The following SAMD12 variants were observed in gnomAD, a reference collection of about 807,000 sequenced individuals.
SAMD12 encodes sterile alpha motif domain-containing protein 12.
Under a neutral mutation model 15.0 loss-of-function variants are expected in SAMD12, and 9 were observed. That is an observed-to-expected ratio of 0.60 (90% CI 0.36 to 1.05). SAMD12 has a LOEUF of 1.05. Among genes scored for constraint, SAMD12 ranks in the 50% least tolerant of loss-of-function variants. SAMD12 has a pLI of 0.01. For synonymous variants in SAMD12, 86 were observed against 90.1 expected (o/e 0.96, Z 0.25); for missense variants, 230 against 234.2 (o/e 0.98, Z 0.12).
intron 4 of SAMD12, among the ~76,000 whole-genome samples, chr8:118,313,170 T>G (rs1815714880): frequency 6.6e-6 from 1 of 152,132 alleles, no homozygotes; most frequent in Non-Finnish European, 1.5e-5. Flanking sequence ...AGGAAGGAAT[T>G]TTCTCTTCTA....
chr8:118,313,556 C>T (rs919990529), intron 4 of SAMD12, among the ~76,000 whole-genome samples: 1 of 152,092 alleles, frequency 6.6e-6, no homozygotes, highest in African/African-American at 2.4e-5. Context: ...ACAAAGAATT[C>T]TTTCTGTCTA....
chr8:118,288,641 A>T (rs954802639), intron 4 of SAMD12, among the ~76,000 whole-genome samples: 1 of 152,234 alleles, frequency 6.6e-6, no homozygotes, highest in African/African-American at 2.4e-5. Flanking sequence ...TAATTATACA[A>T]GAACAGAGCT....
chr8:118,473,177 C>T (rs1823854818), intron 2 of SAMD12, among the ~76,000 whole-genome samples: 2 of 152,176 alleles, frequency 1.3e-5, no homozygotes. Flanking sequence ...CTCTACTAGG[C>T]AGCACCTCCT....
the SAMD12 span, among the ~76,000 whole-genome samples, chr8:118,172,890 A>G: frequency 4.6e-5 from 7 of 152,158 alleles, no homozygotes; most frequent in Non-Finnish European, 8.8e-5. Context: ...CATTTGAACA[A>G]CAACTCCCCA....
intron 4 of SAMD12, among the ~76,000 whole-genome samples, chr8:118,319,703 A>C (rs1816129725): frequency 6.6e-6 from 1 of 152,196 alleles, no homozygotes; most frequent in Non-Finnish European, 1.5e-5. Context: ...GTTCAGCAGA[A>C]GTAGGGGTGA....
At chr8:118,504,525 A>G (rs762220110) in intron 2 of SAMD12, among the ~76,000 whole-genome samples, 4 of 152,142 alleles carry the variant, frequency 2.6e-5, no homozygotes, top group Non-Finnish European at 5.9e-5. Flanking sequence ...TGGGTTGAGA[A>G]GTGGCCCCCA....
intron 2 of SAMD12, among the ~76,000 whole-genome samples, chr8:118,498,191 G>A (rs1308048479): frequency 6.6e-6 from 1 of 152,154 alleles, no homozygotes; most frequent in Non-Finnish European, 1.5e-5. Context: ...TAAAGACGGT[G>A]TTTTGCAACC....
chr8:118,279,018 A>G (rs571022106), intron 4 of SAMD12, among the ~76,000 whole-genome samples: 2 of 152,338 alleles, frequency 1.3e-5, no homozygotes, highest in East Asian at 1.9e-4. Flanking sequence ...CTCTGCTATT[A>G]AAAATGAAAT....
chr8:118,277,830 T>C (rs981954770), intron 4 of SAMD12, among the ~76,000 whole-genome samples: 1 of 152,198 alleles, frequency 6.6e-6, no homozygotes, highest in African/African-American at 2.4e-5. Context: ...GTCACTGCCC[T>C]CTCTCCTAAA....
chr8:118,585,322 T>C (rs1303698811), intron 1 of SAMD12, among the ~76,000 whole-genome samples: 1 of 152,198 alleles, frequency 6.6e-6, no homozygotes, highest in Non-Finnish European at 1.5e-5. Context: ...GTTATGGGTA[T>C]AGTGTTTCAC....
intron 4 of SAMD12, among the ~76,000 whole-genome samples, chr8:118,333,962 G>A (rs1279304568): frequency 6.8e-6 from 1 of 146,424 alleles, no homozygotes; most frequent in African/African-American, 2.6e-5. Context: ...ATTGGCGGGG[G>A]GCAGGGGTGT....
At chr8:118,194,873 C>G (rs1819513166) in exon 5 of SAMD12, 1 of 152,162 alleles carries the variant, frequency 6.6e-6, no homozygotes, top group Non-Finnish European at 1.5e-5. Flanking sequence ...TGGTTTAGCT[C>G]TTGACTGCTT....
At chr8:118,473,649 G>T (rs1284479396) in intron 2 of SAMD12, among the ~76,000 whole-genome samples, 1 of 152,042 alleles carries the variant, frequency 6.6e-6, no homozygotes, top group Non-Finnish European at 1.5e-5. Flanking sequence ...CTCCTCACTT[G>T]CACTCCACAT....
At chr8:118,447,188 T>C (rs1433662650) in intron 2 of SAMD12, among the ~76,000 whole-genome samples, 1 of 152,176 alleles carries the variant, frequency 6.6e-6, no homozygotes, top group African/African-American at 2.4e-5. Context: ...ATTACCAACA[T>C]TGCTACAATC....
intron 4 of SAMD12, among the ~76,000 whole-genome samples, chr8:118,326,566 C>T (rs995862166): frequency 6.6e-6 from 1 of 152,126 alleles, no homozygotes; most frequent in Non-Finnish European, 1.5e-5. Context: ...AAAAGTTTAT[C>T]AATCTGTATA....
intron 1 of SAMD12, among the ~76,000 whole-genome samples, chr8:118,619,689 C>T (rs1241166197): frequency 6.6e-6 from 1 of 152,006 alleles, no homozygotes; most frequent in Non-Finnish European, 1.5e-5. Context: ...CCAAGTCTAA[C>T]CCCCAAGGGG....
At chr8:118,402,991 C>A (rs1820941959) in intron 3 of SAMD12, among the ~76,000 whole-genome samples, 1 of 152,178 alleles carries the variant, frequency 6.6e-6, no homozygotes, top group African/African-American at 2.4e-5. Context: ...TAAAAACTTG[C>A]TGATAAGCAA....
intron 2 of SAMD12, among the ~76,000 whole-genome samples, chr8:118,507,275 G>T (rs4469490): frequency 0.7 from 106,086 of 151,778 alleles, 38,449 homozygotes; most frequent in African/African-American, 0.9. Flanking sequence ...AAATGACACA[G>T]CCTCCTCTGC....
At chr8:118,293,631 A>G (rs886334393) in intron 4 of SAMD12, among the ~76,000 whole-genome samples, 9 of 152,194 alleles carry the variant, frequency 5.9e-5, no homozygotes, top group Non-Finnish European at 1.0e-4. Context: ...AAAAATTTTA[A>G]CACTGTGGTG....
Sources: allele counts gnomAD v4.1 joint callset (sites outside exome capture counted in the v4.1 genomes callset), GRCh38; gene constraint gnomAD v4.1.1; transcripts MANE v1.5; gene names NCBI Gene and HGNC (gene_info 2026-07-23, HGNC 2026-07-21).